Variants in HSF2 observed in about 807,000 individuals in gnomAD.
HSF2 encodes the protein heat shock factor protein 2.
HSF2 carries 21 observed loss-of-function variants against 65.0 expected under a neutral mutation model. The observed-to-expected ratio is 0.32, with a 90% CI of 0.23 to 0.47. The LOEUF is 0.47. Ranked by LOEUF, HSF2 falls within the 20% of genes least tolerant of loss-of-function variation. The probability of loss-of-function intolerance (pLI) is 1.00; values close to 1 mark genes in which losing one functional copy is unlikely to be tolerated. For missense variants in HSF2, 499 were observed against 628.1 expected, an observed-to-expected ratio of 0.79 and a Z score of 2.20; for synonymous variants, 225 against 219.1, an observed-to-expected ratio of 1.03 and a Z score of -0.24.
intron 1 of HSF2, among the ~76,000 whole-genome samples, chr6:122,404,452 TAAAG>T (rs942660260): frequency 6.6e-6 from 1 of 152,164 alleles, no homozygotes; most frequent in African/African-American, 2.4e-5. Flanking sequence ...AAGAATGAGC[TAAAG>T]ACTCTAAAAG....
In HSF2 at chr6:122,412,378, C is replaced by G. The variant is rs148893963; in HGVS notation, c.99C>G (p.Gly33=). ...TNEFITWSQN[G]QSFLVLDEQR... ...TTTTTTTTTTCCCCTTGCAGAATGG[C>G]CAAAGTTTTCTGGTCTTGGATGAGC... Residue 33 remains glycine, a synonymous_variant, in exon 2 of 13, where the codon GGC becomes GGG. Transcript: ENST00000368455. 4 of 1,602,474 alleles carry G rather than the reference C, an allele frequency of 2.5e-6. No individual in the cohort carries two copies. The highest frequency in any genetic ancestry group is 1.3e-5 in the African/African-American group (1 of 74,496).
intron 8 of HSF2, 91 bp downstream of exon 8, chr6:122,422,389 T>A (rs889169757): frequency 5.8e-5 from 57 of 980,238 alleles, no homozygotes; most frequent in Admixed American, 2.3e-5. Context: ...CTTTGAAAAA[T>A]AATAATCTTT....
At position 122,426,067 on chromosome 6, in the gene HSF2, C is replaced by G. The variant is rs45504205; in HGVS notation, c.1177-1836C>G. Among the ~76,000 whole-genome samples the G allele has an allele frequency of 3.6e-3, 554 of 152,150 alleles. 4 individuals are homozygous for G. The highest frequency in any genetic ancestry group is 0.012 in the African/African-American group (511 of 41,534). ...CTCATCATTCACTAAATCCAGTTTT[C>G]TAAAATAGCATTCACAAGCCATCCC... On this transcript the variant is annotated intron_variant, in intron 10 of 12. Transcript: ENST00000368455.
At chr6:122,421,551 A>C (rs1774235776) in intron 7 of HSF2, among the ~76,000 whole-genome samples, 1 of 151,386 alleles carries the variant, frequency 6.6e-6, no homozygotes, top group Non-Finnish European at 1.5e-5. Context: ...TTGCATTTTA[A>C]TAATGACTTT....
At chr6:122,400,257 G>C (rs1043716531) in intron 1 of HSF2, among the ~76,000 whole-genome samples, 13 of 152,142 alleles carry the variant, frequency 8.5e-5, no homozygotes, top group Non-Finnish European at 8.8e-5. Flanking sequence ...GATCATCAAC[G>C]TGGGGCTTTA....
At chr6:122,431,696 T>TA (rs1554209929) in intron 12 of HSF2, among the ~76,000 whole-genome samples, 182 bp downstream of exon 12, 1 of 151,470 alleles carries the variant, frequency 6.6e-6, no homozygotes, top group Non-Finnish European at 1.5e-5. Flanking sequence ...TTTTTTTTTT[T>TA]ATCCTATTTA....
rs1038612649 is a variant in HSF2 at position 122,432,422 on chromosome 6, A to T, written c.*202A>T. On this transcript the variant is annotated 3_prime_UTR_variant, in exon 13 of 13. Coordinates refer to ENST00000368455, the MANE Select transcript of HSF2 (RefSeq NM_004506.4). ...GTTACTCAGCTGCATAGTTACGCAG[A>T]TGTAATGCACATTATTGGCGTATCT... 2.0e-6 allele frequency: 1 copy of T among 509,662 alleles called. No homozygotes were observed. Among genetic ancestry groups the T allele is most frequent in the Non-Finnish European group, 3.5e-6 (1 of 288,014 alleles). The allele number at this position is 509,662 out of a possible 1,614,324, so 31.6% of individuals were successfully genotyped here.
Position 122,432,324 on chromosome 6 carries a change from T to A in HSF2, c.*104T>A. On this transcript the variant is annotated 3_prime_UTR_variant, in exon 13 of 13. Transcript: ENST00000368455. ...TTTTTGTAAATTGCTTTGTTTTGTT[T>A]AATCAGATACTGTGGAATAAAAGCA... 2 of 952,088 alleles carry A rather than the reference T, an allele frequency of 2.1e-6. No individual in the cohort carries two copies. The highest frequency in any genetic ancestry group is 1.7e-5 in the South Asian group (1 of 60,482). The allele number at this position is 952,088 out of a possible 1,614,324, so 59.0% of individuals were successfully genotyped here.
At chr6:122,410,147 A>G (rs1196931456) in intron 1 of HSF2, among the ~76,000 whole-genome samples, 1 of 151,926 alleles carries the variant, frequency 6.6e-6, no homozygotes, top group Non-Finnish European at 1.5e-5. Flanking sequence ...AATTATTTTT[A>G]CAAATGAACT....
chr6:122,429,045 T>A (rs1160016766), intron 11 of HSF2, among the ~76,000 whole-genome samples: 1 of 152,140 alleles, frequency 6.6e-6, no homozygotes. Flanking sequence ...ACAGACAATA[T>A]GTAAAAGAAT....
In HSF2 at chr6:122,399,658, G is replaced by T; in HGVS notation, c.-80G>T. ...CTGCGCCTGCGTTGTGGGCGTTCTC[G>T]GGGAGCTGCTGCCGTAGCTGCCGCC... On this transcript the variant is annotated 5_prime_UTR_variant, in exon 1 of 13. Transcript: ENST00000368455. 1 of 994,966 alleles carries T rather than the reference G, an allele frequency of 1.0e-6. No homozygotes were observed. The highest frequency in any genetic ancestry group is 3.0e-5 in the East Asian group (1 of 33,302). 61.6% of individuals were successfully genotyped at this position (994,966 alleles called of 1,614,324 possible).
chr6:122,430,941 TAAAG>T (rs1388823211), intron 11 of HSF2, among the ~76,000 whole-genome samples: 1 of 152,190 alleles, frequency 6.6e-6, no homozygotes, highest in African/African-American at 2.4e-5. Flanking sequence ...TAAATAGTGA[TAAAG>T]AGTTTTAAGG....
intron 1 of HSF2, among the ~76,000 whole-genome samples, chr6:122,409,639 C>G (rs1773945579): frequency 6.6e-6 from 1 of 151,920 alleles, no homozygotes; most frequent in East Asian, 1.9e-4. Context: ...AAGGGAAAAT[C>G]ATTATTTGTT....
At chr6:122,423,197 C>A (rs746529499) in intron 9 of HSF2, among the ~76,000 whole-genome samples, 42 of 152,044 alleles carry the variant, frequency 2.8e-4, no homozygotes, top group Non-Finnish European at 3.7e-4. Context: ...AGTGTACATA[C>A]AGTGTTTGTG....
At chr6:122,430,140 C>T (rs981736086) in intron 11 of HSF2, among the ~76,000 whole-genome samples, 1 of 151,874 alleles carries the variant, frequency 6.6e-6, no homozygotes, top group Non-Finnish European at 1.5e-5. Flanking sequence ...CTGGTCCTGG[C>T]TTTTTTTGGT....
chr6:122,401,164 G>C (rs1331854536), intron 1 of HSF2, among the ~76,000 whole-genome samples: 1 of 152,152 alleles, frequency 6.6e-6, no homozygotes, highest in African/African-American at 2.4e-5. Context: ...GTTGAGTAGG[G>C]GGGCGTGAGT....
In HSF2 at chr6:122,399,688, C is replaced by G. The variant is rs376236589; in HGVS notation, c.-50C>G. 23 of 1,524,810 alleles carry G rather than the reference C, an allele frequency of 1.5e-5. No homozygotes were observed. Among genetic ancestry groups the G allele is most frequent in the Middle Eastern group, 1.7e-4 (1 of 5,890 alleles). The allele number at this position is 1,524,810 out of a possible 1,614,324, so 94.5% of individuals were successfully genotyped here. A position where few individuals can be genotyped will look rare whatever the true frequency, so the allele number is the denominator to read the frequency against. ...GCTGCTGCCGTAGCTGCCGCCGCCG[C>G]TACCACCGCGTTCGGGTGTAGAATT... On this transcript the variant is annotated 5_prime_UTR_variant, in exon 1 of 13. Coordinates refer to ENST00000368455, the MANE Select transcript of HSF2 (RefSeq NM_004506.4).
At chr6:122,413,332 A>G (rs1582611035) in intron 3 of HSF2, among the ~76,000 whole-genome samples, 193 bp from the exon 4 acceptor site, 1 of 137,934 alleles carries the variant, frequency 7.2e-6, no homozygotes, top group African/African-American at 2.7e-5. Context: ...AATTTTTTTT[A>G]AGTAGATTAT....
chr6:122,402,681 T>C (rs1773765374), intron 1 of HSF2, among the ~76,000 whole-genome samples: 1 of 151,692 alleles, frequency 6.6e-6, no homozygotes, highest in African/African-American at 2.4e-5. Context: ...GCGTCTCGAG[T>C]AGTTGTGATT....
Sources: allele counts gnomAD v4.1 joint callset (sites outside exome capture counted in the v4.1 genomes callset), GRCh38; gene constraint gnomAD v4.1.1; transcripts MANE v1.5; gene names NCBI Gene and HGNC (gene_info 2026-07-23, HGNC 2026-07-21).